Variants in CCDC169 observed in about 807,000 individuals in gnomAD.
CCDC169 encodes the protein coiled-coil domain containing 169, also known as coiled-coil domain-containing protein 169.
In CCDC169, 30 loss-of-function variants were observed where a neutral mutation model predicts 36.0. The ratio of observed to expected loss-of-function variants is 0.83; its 90% CI spans 0.62 to 1.13. CCDC169 has a LOEUF of 1.13. CCDC169 is among the 50% of genes most tolerant of loss of function. The pLI, the probability that CCDC169 is intolerant of heterozygous loss-of-function variation, is 0.00. For missense variants in CCDC169, 245 were observed against 245.9 expected (o/e 1.00, Z 0.03); for synonymous variants, 85 against 81.5 (o/e 1.04, Z -0.23).
chr13:36,244,160 G>A (rs1872201853), intron 7 of CCDC169, among the ~76,000 whole-genome samples: 1 of 152,182 alleles, frequency 6.6e-6, no homozygotes, highest in East Asian at 1.9e-4. Context: ...TTAGGCTACT[G>A]TCTTTGGAAA....
intron 4 of CCDC169, among the ~76,000 whole-genome samples, chr13:36,269,109 A>AT: frequency 6.8e-6 from 1 of 146,980 alleles, no homozygotes; most frequent in Admixed American, 7.2e-5. Context: ...AACTCAAATA[A>AT]AAAAAAAAAA....
intron 2 of CCDC169, among the ~76,000 whole-genome samples, chr13:36,284,523 C>G (rs1390570340): frequency 6.6e-6 from 1 of 152,184 alleles, no homozygotes; most frequent in African/African-American, 2.4e-5. Flanking sequence ...GAACAATGTA[C>G]ATTTAGCTAT....
intron 4 of CCDC169, among the ~76,000 whole-genome samples, chr13:36,281,897 T>G (rs958104232): frequency 6.6e-6 from 1 of 152,094 alleles, no homozygotes; most frequent in Non-Finnish European, 1.5e-5. Flanking sequence ...AAATTTTAAG[T>G]TATGTATATT....
At chr13:36,290,570 A>C (rs986973626) in intron 2 of CCDC169, among the ~76,000 whole-genome samples, 1 of 152,184 alleles carries the variant, frequency 6.6e-6, no homozygotes, top group Non-Finnish European at 1.5e-5. Flanking sequence ...GGATAAAATT[A>C]ATTAAGACCC....
At chr13:36,295,414 C>T (rs982657779) in intron 2 of CCDC169, among the ~76,000 whole-genome samples, 11 of 152,184 alleles carry the variant, frequency 7.2e-5, no homozygotes, top group Middle Eastern at 3.4e-3. Flanking sequence ...AACCTAGATA[C>T]GGATTTTAAA....
chr13:36,254,167 T>G (rs1873529515), intron 4 of CCDC169, 24 bp from the exon 5 acceptor site: 2 of 1,436,270 alleles, frequency 1.4e-6, no homozygotes, highest in Non-Finnish European at 1.9e-6. Flanking sequence ...TAGTAAAATT[T>G]TATATGTACT....
chr13:36,265,633 C>T (rs1594050437), intron 4 of CCDC169, among the ~76,000 whole-genome samples: 1 of 152,222 alleles, frequency 6.6e-6, no homozygotes, highest in East Asian at 1.9e-4. Context: ...CTAATCGCTA[C>T]TGTCTTCCCT....
chr13:36,249,430 T>A (rs1417813797), intron 6 of CCDC169, among the ~76,000 whole-genome samples: 4 of 152,168 alleles, frequency 2.6e-5, no homozygotes, highest in Non-Finnish European at 5.9e-5. Context: ...GCCTCACAGA[T>A]GCTTCGCCAA....
chr13:36,243,271 G>A (rs1463366933), intron 7 of CCDC169, among the ~76,000 whole-genome samples: 6 of 151,410 alleles, frequency 4.0e-5, no homozygotes, highest in African/African-American at 9.7e-5. Flanking sequence ...AGGCCAAGGC[G>A]GGAGGATCTT....
intron 2 of CCDC169, among the ~76,000 whole-genome samples, chr13:36,294,991 G>C (rs1566094869): frequency 6.6e-6 from 1 of 152,072 alleles, no homozygotes; most frequent in African/African-American, 2.4e-5. Flanking sequence ...TTTCTCTGGA[G>C]GCAGAAATTG....
chr13:36,255,345 C>T (rs1482845918), intron 4 of CCDC169, among the ~76,000 whole-genome samples: 2 of 152,112 alleles, frequency 1.3e-5, no homozygotes, highest in African/African-American at 2.4e-5. Flanking sequence ...GGAACTCTCC[C>T]ACAGGCTGTG....
intron 4 of CCDC169, among the ~76,000 whole-genome samples, chr13:36,272,041 C>T (rs1250861408): frequency 2.0e-5 from 3 of 149,544 alleles, no homozygotes; most frequent in African/African-American, 7.4e-5. Context: ...GCCGAGATTG[C>T]ACCACTGCAC....
intron 6 of CCDC169, among the ~76,000 whole-genome samples, chr13:36,252,204 A>G (rs1873259716): frequency 6.6e-6 from 1 of 152,232 alleles, no homozygotes; most frequent in African/African-American, 2.4e-5. Flanking sequence ...GGAAAGGCAT[A>G]AAGATGCCTG....
intron 4 of CCDC169, among the ~76,000 whole-genome samples, chr13:36,259,696 G>C (rs1258535682): frequency 6.6e-6 from 1 of 151,808 alleles, no homozygotes; most frequent in Non-Finnish European, 1.5e-5. Flanking sequence ...CCAATCAGAG[G>C]CTGAAGTGAA....
At chr13:36,231,401 G>A in intron 7 of CCDC169, 109 bp from the exon 8 acceptor site, 1 of 1,071,800 alleles carries the variant, frequency 9.3e-7, no homozygotes, top group Non-Finnish European at 1.3e-6. Flanking sequence ...CCCCCCAACA[G>A]ACCTTCACAC....
At chr13:36,230,682 A>C (rs978456925), downstream of CCDC169, 1 of 788,708 alleles carries the variant, frequency 1.3e-6, no homozygotes, top group African/African-American at 1.9e-5. Context: ...AGTTCATGGC[A>C]GAGTGGAGAC....
intron 7 of CCDC169, among the ~76,000 whole-genome samples, chr13:36,237,977 G>A (rs1871287986): frequency 6.6e-6 from 1 of 152,162 alleles, no homozygotes; most frequent in Non-Finnish European, 1.5e-5. Flanking sequence ...GCACTCTGAT[G>A]TTTGCACAAT....
At chr13:36,245,597 C>T (rs1387277434) in intron 7 of CCDC169, among the ~76,000 whole-genome samples, 21 of 152,156 alleles carry the variant, frequency 1.4e-4, no homozygotes, top group African/African-American at 2.4e-5. Context: ...GCACCAAGCC[C>T]TCTGTTCTTT....
At chr13:36,223,292 C>T (rs1869707057), downstream of CCDC169, 1 of 152,172 alleles carries the variant, frequency 6.6e-6, no homozygotes, top group African/African-American at 2.4e-5. Flanking sequence ...TACACACCTC[C>T]ACCACTGCAG....
Sources: allele counts gnomAD v4.1 joint callset (sites outside exome capture counted in the v4.1 genomes callset), GRCh38; gene constraint gnomAD v4.1.1; transcripts MANE v1.5; gene names NCBI Gene and HGNC (gene_info 2026-07-23, HGNC 2026-07-21).